ERBB4: variants seen among roughly 807,000 people sequenced by gnomAD.
ERBB4 encodes erb-b2 receptor tyrosine kinase 4.
ERBB4 carries 42 observed loss-of-function variants against 158.0 expected under a neutral mutation model. That is an observed-to-expected ratio of 0.27 (90% CI 0.21 to 0.34). ERBB4 has a LOEUF of 0.34. Among genes scored for constraint, ERBB4 ranks in the 10% least tolerant of loss-of-function variants. The probability of loss-of-function intolerance (pLI) is 1.00; values close to 1 mark genes in which losing one functional copy is unlikely to be tolerated. For missense variants in ERBB4, 1,333 were observed against 1,624.1 expected, an observed-to-expected ratio of 0.82 and a Z score of 3.08; for synonymous variants, 583 against 558.7, an observed-to-expected ratio of 1.04 and a Z score of -0.61.
chr2:211,856,556 T>G (rs929157682), intron 3 of ERBB4, among the ~76,000 whole-genome samples: 1 of 151,886 alleles, frequency 6.6e-6, no homozygotes, highest in Non-Finnish European at 1.5e-5. Context: ...CGGCTAATTT[T>G]TTTTTTATTT....
intron 2 of ERBB4, among the ~76,000 whole-genome samples, chr2:211,997,906 ACAT>A (rs1312758970): frequency 1.0e-3 from 45 of 44,166 alleles, no homozygotes; most frequent in Non-Finnish European, 4.8e-3. Context: ...ATACACACAC[ACAT>A]CACACACACA....
At position 211,382,305 on chromosome 2, in the gene ERBB4, C is replaced by A. The variant is rs1030151438; in HGVS notation, c.*1310G>T. ...TATACGAACTGAACAAATTTCCTTG[C>A]GTAGCAAAGGTGACATATGAAGATA... is the stretch of plus-strand genomic sequence containing the variant. On this transcript the variant is annotated 3_prime_UTR_variant, in exon 28 of 28. Coordinates refer to ENST00000342788, the MANE Select transcript of ERBB4 (RefSeq NM_005235.3). The A allele has an allele frequency of 1.3e-5, 3 of 232,164 alleles. No individual in the cohort carries two copies. Among genetic ancestry groups the A allele is most frequent in the Non-Finnish European group, 8.5e-6 (1 of 117,450 alleles). The allele number at this position is 232,164 out of a possible 1,614,324, so 14.4% of individuals were successfully genotyped here.
intron 12 of ERBB4, among the ~76,000 whole-genome samples, chr2:211,689,954 T>C (rs901733315): frequency 1.3e-5 from 2 of 151,000 alleles, no homozygotes; most frequent in African/African-American, 4.8e-5. Context: ...TTTTTTAATA[T>C]GTTTTATCAA....
intron 1 of ERBB4, among the ~76,000 whole-genome samples, chr2:212,531,154 C>A (rs1468280054): frequency 6.6e-6 from 1 of 152,096 alleles, no homozygotes; most frequent in Non-Finnish European, 1.5e-5. Flanking sequence ...TTACGGGGGT[C>A]CACTTTCATC....
intron 3 of ERBB4, among the ~76,000 whole-genome samples, chr2:211,945,915 G>A (rs1006573437): frequency 6.6e-6 from 1 of 151,904 alleles, no homozygotes; most frequent in Non-Finnish European, 1.5e-5. Context: ...TAATCAGAGG[G>A]AAATCATGAT....
intron 3 of ERBB4, among the ~76,000 whole-genome samples, chr2:211,908,762 A>T (rs2079463897): frequency 6.6e-6 from 1 of 151,702 alleles, no homozygotes; most frequent in Non-Finnish European, 1.5e-5. Flanking sequence ...ATAAAAATGC[A>T]GAGGCAATTG....
At chr2:211,795,273 G>T (rs549096614) in intron 3 of ERBB4, among the ~76,000 whole-genome samples, 88 of 151,900 alleles carry the variant, frequency 5.8e-4, no homozygotes, top group African/African-American at 2.0e-3. Flanking sequence ...TCATAATCTA[G>T]TTTTGTTTCA....
At chr2:212,069,319 C>T (rs2078039342) in intron 2 of ERBB4, among the ~76,000 whole-genome samples, 1 of 151,900 alleles carries the variant, frequency 6.6e-6, no homozygotes, top group South Asian at 2.1e-4. Flanking sequence ...AATAAAAAAT[C>T]AATATGGTCA....
chr2:212,065,822 C>A (rs1295278286), intron 2 of ERBB4, among the ~76,000 whole-genome samples: 1 of 151,936 alleles, frequency 6.6e-6, no homozygotes, highest in Non-Finnish European at 1.5e-5. Context: ...CCCCATAGAG[C>A]TAGGATTAAT....
At chr2:211,796,652 G>C (rs2076388855) in intron 3 of ERBB4, among the ~76,000 whole-genome samples, 1 of 151,648 alleles carries the variant, frequency 6.6e-6, no homozygotes, top group African/African-American at 2.4e-5. Flanking sequence ...GGTGTATAGT[G>C]GTATTATTTT....
chr2:212,129,193 G>T (rs1385076424), intron 1 of ERBB4, among the ~76,000 whole-genome samples: 1 of 151,282 alleles, frequency 6.6e-6, no homozygotes, highest in East Asian at 1.9e-4. Context: ...AATTTATGTT[G>T]TATAGTTTCT....
At chr2:212,221,209 T>C (rs1293968998) in intron 1 of ERBB4, among the ~76,000 whole-genome samples, 3 of 151,676 alleles carry the variant, frequency 2.0e-5, no homozygotes, top group East Asian at 3.9e-4. Context: ...CACAGATCTG[T>C]AATGCAATTT....
intron 12 of ERBB4, among the ~76,000 whole-genome samples, chr2:211,689,123 T>G (rs1305476302): frequency 6.6e-6 from 1 of 152,232 alleles, no homozygotes; most frequent in East Asian, 1.9e-4. Flanking sequence ...GCAATAGTGC[T>G]TATTTCTTTC....
intron 1 of ERBB4, among the ~76,000 whole-genome samples, chr2:212,181,732 G>A (rs1355707215): frequency 6.6e-6 from 1 of 151,660 alleles, no homozygotes; most frequent in African/African-American, 2.4e-5. Context: ...AACTAGGAGA[G>A]GGTTTTATGA....
rs940985847 is a variant in ERBB4, at chr2:212,500,466, T to C, written c.82+37983A>G. Among the ~76,000 whole-genome samples the C allele has an allele frequency of 2.6e-5, 4 of 152,132 alleles. 1 individual carries two copies. The highest frequency in any genetic ancestry group is 4.1e-4 in the South Asian group (2 of 4,832). Reference sequence around the variant, plus strand: ...TTAGCCACCGTAAAATATTAACATATAAATGACTACTATAGGGCTATTCTT... The same window carrying C: ...TTAGCCACCGTAAAATATTAACATACAAATGACTACTATAGGGCTATTCTT... On this transcript the variant is annotated intron_variant, in intron 1 of 27. Coordinates refer to ENST00000342788, the MANE Select transcript of ERBB4 (RefSeq NM_005235.3).
At chr2:212,513,706 G>A (rs1449273831) in intron 1 of ERBB4, among the ~76,000 whole-genome samples, 1 of 152,166 alleles carries the variant, frequency 6.6e-6, no homozygotes, top group East Asian at 1.9e-4. Context: ...AGCTACTCCG[G>A]GAGGCTGAGG....
intron 2 of ERBB4, among the ~76,000 whole-genome samples, chr2:212,094,610 T>A (rs1340866168): frequency 1.3e-5 from 2 of 152,064 alleles, no homozygotes; most frequent in African/African-American, 2.4e-5. Flanking sequence ...CGCCTGCCTC[T>A]CTTGCTCCTG....
rs72945643 is a variant in ERBB4, at chr2:212,249,538, C to T, written c.83-124635G>A. ...TCATTTTAGTGGGAGAACAGTAAGG[C>T]AATAAACTAAACTGACGACATTGCA... is the stretch of plus-strand genomic sequence containing the variant. On this transcript the variant is annotated intron_variant, in intron 1 of 27. Transcript: ENST00000342788. 8.6e-3 allele frequency among the ~76,000 whole-genome samples: 1,308 copies of T among 151,638 alleles called. 11 individuals carry two copies. The highest frequency in any genetic ancestry group is 0.012 in the Non-Finnish European group (820 of 67,814).
chr2:212,279,451 C>T (rs1574585179), intron 1 of ERBB4, among the ~76,000 whole-genome samples: 2 of 151,482 alleles, frequency 1.3e-5, no homozygotes, highest in South Asian at 2.1e-4. Flanking sequence ...AATTCCATAA[C>T]TTAGCAATCC....
Sources: gnomAD v4.1 joint callset for allele counts (sites outside exome capture counted in the v4.1 genomes callset) on GRCh38, gnomAD v4.1.1 for gene constraint, MANE v1.5 for transcripts, NCBI Gene and HGNC (gene_info 2026-07-23, HGNC 2026-07-21) for gene names.